PRKCQ: variants seen among roughly 807,000 people sequenced by gnomAD.
PRKCQ encodes the protein protein kinase C theta.
Under a neutral mutation model 91.2 loss-of-function variants are expected in PRKCQ, and 41 were observed. That is an observed-to-expected ratio of 0.45 (90% CI 0.35 to 0.58). The LOEUF (loss-of-function observed/expected upper bound fraction) is 0.58, where lower values mean the gene tolerates loss of function less well. Ranked by LOEUF, PRKCQ falls within the 20% of genes least tolerant of loss-of-function variation. The pLI, the probability that PRKCQ is intolerant of heterozygous loss-of-function variation, is 0.00. For synonymous variants in PRKCQ, 307 were observed against 316.9 expected (o/e 0.97, Z 0.33); for missense variants, 673 against 896.5 (o/e 0.75, Z 3.18).
chr10:6,512,069 C>A (rs116751258), intron 2 of PRKCQ: 1 of 152,204 alleles, frequency 6.6e-6, no homozygotes, highest in Non-Finnish European at 1.5e-5. Context: ...TAAACATAGT[C>A]AATACAAAAC....
chr10:6,561,463 C>T lies in PRKCQ; in HGVS notation c.-10+18748G>A, dbSNP rs1228967193. Among the ~76,000 whole-genome samples, 3 of 151,038 alleles carry T rather than the reference C, an allele frequency of 2.0e-5. No homozygotes were observed. The South Asian group carries it at 6.2e-4, about 31-fold the overall frequency. On this transcript the variant is annotated intron_variant, in intron 1 of 17. Coordinates refer to ENST00000263125, the MANE Select transcript of PRKCQ (RefSeq NM_006257.5). ...TTTTTGAACTTTTTGGAATCTTGTG[C>T]TTCAGGACCCTGTCAAATATTACTA...
At chr10:6,488,667 A>T (rs1837072482) in intron 8 of PRKCQ, among the ~76,000 whole-genome samples, 1 of 152,138 alleles carries the variant, frequency 6.6e-6, no homozygotes, top group African/African-American at 2.4e-5. Flanking sequence ...TACAGGTGTG[A>T]GCCACCGCGC....
At chr10:6,478,847 G>A (rs1352514726) in intron 12 of PRKCQ, 145 bp downstream of exon 12, 17 of 835,306 alleles carry the variant, frequency 2.0e-5, no homozygotes, top group Non-Finnish European at 3.2e-5. Context: ...GTGTGTAGAA[G>A]GGATGTTTGG....
chr10:6,453,774 A>T (rs1170493912), intron 15 of PRKCQ, among the ~76,000 whole-genome samples: 2 of 152,044 alleles, frequency 1.3e-5, no homozygotes, highest in African/African-American at 4.8e-5. Context: ...CTTTGTAGGG[A>T]CATGGATGAA....
chr10:6,445,465 T>C (rs1834230163), intron 15 of PRKCQ, among the ~76,000 whole-genome samples: 1 of 152,168 alleles, frequency 6.6e-6, no homozygotes, highest in Non-Finnish European at 1.5e-5. Context: ...TTCACCCTTC[T>C]TGTTTGTGAA....
In PRKCQ at chr10:6,515,000, A is replaced by G; in HGVS notation, c.118+18T>C. The G allele has an allele frequency of 6.2e-7, 1 of 1,612,404 alleles. No homozygotes were observed. The highest frequency in any genetic ancestry group is 8.5e-7 in the Non-Finnish European group (1 of 1,179,808). Reference sequence around the variant, plus strand: ...TTCTCCTCCTCCTCCCCCGCTTTGAAAATCCCCTCAAGCTTACCTGATTCG... The same window carrying G: ...TTCTCCTCCTCCTCCCCCGCTTTGAGAATCCCCTCAAGCTTACCTGATTCG... On this transcript the variant is annotated intron_variant, in intron 2 of 17. Coordinates refer to ENST00000263125, the MANE Select transcript of PRKCQ (RefSeq NM_006257.5).
chr10:6,474,344 T>C (rs759658408), intron 12 of PRKCQ, among the ~76,000 whole-genome samples: 2 of 152,216 alleles, frequency 1.3e-5, no homozygotes, highest in Non-Finnish European at 2.9e-5. Context: ...GCTGTTCCTA[T>C]AGGATCTAGA....
At position 6,490,295 on chromosome 10, in the gene PRKCQ, G is replaced by A. The variant is rs796402314; in HGVS notation, c.790+1388C>T. Among the ~76,000 whole-genome samples, 8 of 152,158 alleles carry A rather than the reference G, an allele frequency of 5.3e-5. No individual in the cohort carries two copies. The South Asian group carries it at 6.2e-4, about 12-fold the overall frequency. ...ATTGGGATGAAGAAGGGGAGAATGC[G>A]GAAGATGCTGTGCCGCCTTCCATCA... On this transcript the variant is annotated intron_variant, in intron 8 of 17. Coordinates refer to ENST00000263125, the MANE Select transcript of PRKCQ (RefSeq NM_006257.5).
chr10:6,461,800 A>G (rs989379137), intron 14 of PRKCQ, among the ~76,000 whole-genome samples: 5 of 152,176 alleles, frequency 3.3e-5, no homozygotes, highest in African/African-American at 1.2e-4. Flanking sequence ...TTTGTATGTT[A>G]AATAAGTGCC....
intron 4 of PRKCQ, among the ~76,000 whole-genome samples, chr10:6,502,591 G>C (rs1274963610): frequency 6.6e-6 from 1 of 152,202 alleles, no homozygotes; most frequent in Non-Finnish European, 1.5e-5. Context: ...AGGGGCAGAG[G>C]CTTGATATGG....
rs1241311513 is a variant in PRKCQ at position 6,511,161 on chromosome 10, G to A, written c.152C>T (p.Thr51Ile). 6.2e-7 allele frequency: 1 copy of A among 1,613,990 alleles called. No individual in the cohort carries two copies. Among genetic ancestry groups the A allele is most frequent in the African/African-American group, 1.3e-5 (1 of 74,894 alleles). ...NGQMYIQKKP[T>I]MYPPWDSTFD... ...AGTGCTGTCCCAGGGTGGGTACATG[G>A]TAGGCTTTTTCTGGATATACATCTG... The change falls in exon 3 of 18, where the codon ACC becomes ATC. Residue 51 changes from threonine to isoleucine, a missense_variant. Transcript: ENST00000263125.
chr10:6,473,486 C>A (rs1836103655), intron 12 of PRKCQ, among the ~76,000 whole-genome samples: 1 of 152,206 alleles, frequency 6.6e-6, no homozygotes, highest in Non-Finnish European at 1.5e-5. Flanking sequence ...TCTGAGTGAT[C>A]CCCAGTTTCT....
chr10:6,454,600 A>T (rs1834907494), intron 15 of PRKCQ, among the ~76,000 whole-genome samples: 2 of 151,952 alleles, frequency 1.3e-5, no homozygotes, highest in South Asian at 4.1e-4. Flanking sequence ...GATGGATGAC[A>T]TGTAATTCAC....
chr10:6,439,445 T>G (rs1432123606), intron 16 of PRKCQ, among the ~76,000 whole-genome samples: 3 of 152,142 alleles, frequency 2.0e-5, no homozygotes, highest in African/African-American at 7.2e-5. Flanking sequence ...TGAACCTGGA[T>G]TTGAACTGCA....
intron 1 of PRKCQ, among the ~76,000 whole-genome samples, chr10:6,574,062 G>A (rs1463222963): frequency 6.6e-6 from 1 of 152,204 alleles, no homozygotes; most frequent in Non-Finnish European, 1.5e-5. Context: ...GCTGCTGTGA[G>A]CTGAGATCGT....
At chr10:6,478,297 A>C (rs1288692315) in intron 12 of PRKCQ, among the ~76,000 whole-genome samples, 1 of 152,222 alleles carries the variant, frequency 6.6e-6, no homozygotes, top group Non-Finnish European at 1.5e-5. Flanking sequence ...ATTAATGGCG[A>C]GTATATCTTA....
At chr10:6,515,490 A>C (rs1192761288) in intron 1 of PRKCQ, 1 of 985,286 alleles carries the variant, frequency 1.0e-6, no homozygotes, top group Non-Finnish European at 1.2e-6. Context: ...TCTGTTATTC[A>C]AGTAGGTGCC....
intron 15 of PRKCQ, among the ~76,000 whole-genome samples, chr10:6,445,121 CAAAAAAAAAAAAAAA>C (rs61291267): frequency 1.9e-5 from 2 of 105,412 alleles, no homozygotes; most frequent in Admixed American, 1.1e-4. Flanking sequence ...AAGACTCTGT[CAAAAAAAAAAAAAAA>C]AAAAAAAAAA....
At chr10:6,535,783 C>A (rs1021473384) in intron 1 of PRKCQ, among the ~76,000 whole-genome samples, 1 of 152,158 alleles carries the variant, frequency 6.6e-6, no homozygotes, top group African/African-American at 2.4e-5. Flanking sequence ...GCGGACAGAT[C>A]CCGATTACAG....
Sources: gnomAD v4.1 joint callset for allele counts (sites outside exome capture counted in the v4.1 genomes callset) on GRCh38, gnomAD v4.1.1 for gene constraint, MANE v1.5 for transcripts, NCBI Gene and HGNC (gene_info 2026-07-23, HGNC 2026-07-21) for gene names.